Variants in ZNF793 observed in about 807,000 individuals in gnomAD.
ZNF793 encodes zinc finger protein 793.
Under a neutral mutation model 12.4 loss-of-function variants are expected in ZNF793, and 5 were observed. The ratio of observed to expected loss-of-function variants is 0.40; its 90% CI spans 0.21 to 0.84. The LOEUF is 0.84. ZNF793 is among the 40% of genes least tolerant of loss of function. The pLI, the probability that ZNF793 is intolerant of heterozygous loss-of-function variation, is 0.35. For missense variants in ZNF793, 456 were observed against 495.0 expected, an observed-to-expected ratio of 0.92 and a Z score of 0.75; for synonymous variants, 162 against 172.4, an observed-to-expected ratio of 0.94 and a Z score of 0.47.
At chr19:37,514,341 T>C (rs180810922) in intron 2 of ZNF793, among the ~76,000 whole-genome samples, 10 of 152,258 alleles carry the variant, frequency 6.6e-5, no homozygotes, top group African/African-American at 2.4e-4. Flanking sequence ...AGTAACACAC[T>C]ATTCTTTAGT....
chr19:37,522,693 T>C (rs928468866), intron 4 of ZNF793, 46 bp downstream of exon 4: 1 of 152,136 alleles, frequency 6.6e-6, no homozygotes, highest in Non-Finnish European at 1.5e-5. Context: ...TTGTCTGATG[T>C]CTCCTCATTG....
At chr19:37,530,995 C>T (rs934948405) in intron 5 of ZNF793, among the ~76,000 whole-genome samples, 8 of 152,100 alleles carry the variant, frequency 5.3e-5, no homozygotes, top group Middle Eastern at 3.2e-3. Flanking sequence ...TTAGTGGTTA[C>T]TTCAGGGATA....
At chr19:37,513,540 A>G (rs1039176731) in intron 2 of ZNF793, among the ~76,000 whole-genome samples, 6 of 152,222 alleles carry the variant, frequency 3.9e-5, no homozygotes, top group Non-Finnish European at 8.8e-5. Context: ...CTAGTTACAG[A>G]GAAACAGTTG....
rs1055965122 is a variant in ZNF793 at position 37,533,368 on chromosome 19, T to A, written c.203T>A (p.Ile68Asn). The part of the protein sequence containing the change: ...LRLEQEEAPW[I>N]GEAACPGCHC... ...CTGGAGCAGGAAGAAGCACCATGGA[T>A]TGGTGAGGCAGCATGCCCGGGCTGC... Residue 68 changes from isoleucine to asparagine, a missense_variant, in exon 7 of 8, where the codon ATT becomes AAT. Transcript: ENST00000627814. The A allele has an allele frequency of 1.2e-6, 2 of 1,613,950 alleles. No individual in the cohort carries two copies. Among genetic ancestry groups the A allele is most frequent in the African/African-American group, 2.7e-5 (2 of 75,032 alleles).
At chr19:37,533,428 G>C in intron 7 of ZNF793, 25 bp downstream of exon 7, 1 of 1,604,296 alleles carries the variant, frequency 6.2e-7, no homozygotes, top group Non-Finnish European at 8.5e-7. Flanking sequence ...TCTAGCAAAA[G>C]GGGTACTGAA....
chr19:37,532,220 G>A, intron 5 of ZNF793, 136 bp from the exon 6 acceptor site: 2 of 908,864 alleles, frequency 2.2e-6, no homozygotes, highest in Non-Finnish European at 1.7e-6. Flanking sequence ...CACCATGTTT[G>A]CCAGGCTGAT....
Position 37,532,378 on chromosome 19 carries a change from T to C in ZNF793, c.38T>C (p.Val13Ala). ...CAGATACCTGTGTCATTCAAAGATG[T>C]GGTTGTGGGCTTCACCCAAGAGGAG... ...EYQIPVSFKD[V>A]VVGFTQEEWH... is the part of the protein sequence containing the mutation. The change falls in exon 6 of 8, where the codon GTG becomes GCG. Residue 13 changes from valine (V) to alanine (A), a missense_variant. By Grantham distance (64) the Val-to-Ala change is moderately conservative (BLOSUM62 0). Transcript: ENST00000627814. The C allele has an allele frequency of 6.2e-7, 1 of 1,614,094 alleles. No homozygotes were observed. Among genetic ancestry groups the C allele is most frequent in the Non-Finnish European group, 8.5e-7 (1 of 1,179,982 alleles).
chr19:37,525,624 A>G (rs1030478757), intron 5 of ZNF793, among the ~76,000 whole-genome samples: 2 of 135,438 alleles, frequency 1.5e-5, no homozygotes, highest in Non-Finnish European at 3.1e-5. Flanking sequence ...TTTAGTAGAG[A>G]CAGGGTTTCG....
At chr19:37,524,203 G>T (rs1247665370) in intron 5 of ZNF793, among the ~76,000 whole-genome samples, 1 of 148,344 alleles carries the variant, frequency 6.7e-6, no homozygotes, top group African/African-American at 2.5e-5. Flanking sequence ...ATAATAAAGG[G>T]TTTTAAGCCT....
intron 5 of ZNF793, among the ~76,000 whole-genome samples, chr19:37,530,515 TG>T (rs767093491): frequency 6.6e-6 from 1 of 151,926 alleles, no homozygotes; most frequent in African/African-American, 2.4e-5. Flanking sequence ...GATTAGGGAG[TG>T]GTGATGACTC....
Position 37,537,966 on chromosome 19 carries a change from C to T in ZNF793, c.*87C>T, listed in dbSNP as rs2042522312. The T allele has an allele frequency of 3.6e-6, 5 of 1,401,120 alleles. No homozygotes were observed. The highest frequency in any genetic ancestry group is 2.2e-4 in the Middle Eastern group (1 of 4,528). The allele number at this position is 1,401,120 out of a possible 1,614,324, so 86.8% of individuals were successfully genotyped here. A position where few individuals can be genotyped will look rare whatever the true frequency, so the allele number is the denominator to read the frequency against. ...TCACTTTGTCACCCAGGCTGGAGTG[C>T]AGTGGCGCGATCTCGGCTTACTGCA... On this transcript the variant is annotated 3_prime_UTR_variant, in exon 8 of 8. Coordinates refer to ENST00000627814, the MANE Select transcript of ZNF793 (RefSeq NM_001013659.3).
intron 2 of ZNF793, among the ~76,000 whole-genome samples, chr19:37,512,324 G>A (rs1338674300): frequency 6.6e-6 from 1 of 151,964 alleles, no homozygotes; most frequent in Non-Finnish European, 1.5e-5. Flanking sequence ...AGACCATCCT[G>A]GCCAACATGA....
At chr19:37,507,226 C>T (rs1473864738) in intron 1 of ZNF793, 2 of 152,844 alleles carry the variant, frequency 1.3e-5, no homozygotes, top group Non-Finnish European at 2.9e-5. Flanking sequence ...GTGGCACGGT[C>T]TCTGAAGAAG....
At chr19:37,511,560 G>A (rs529864216) in intron 2 of ZNF793, among the ~76,000 whole-genome samples, 6 of 152,102 alleles carry the variant, frequency 3.9e-5, no homozygotes, top group Non-Finnish European at 7.3e-5. Flanking sequence ...AATCCCAGCT[G>A]CTCAGGAGGC....
rs778590937 is a variant in ZNF793, at chr19:37,537,674, A to G, written c.1016A>G (p.Tyr339Cys). ...HRKMHTGERP[Y>C]RCRECGKSFS... ...AAAATGCACACAGGAGAAAGACCGT[A>G]TCGTTGCAGAGAATGTGGAAAATCC... Residue 339 changes from tyrosine to cysteine, a missense_variant, in exon 8 of 8, where the codon TAT becomes TGT. Transcript: ENST00000627814. The G allele has an allele frequency of 6.2e-7, 1 of 1,613,686 alleles. No homozygotes were observed. The highest frequency in any genetic ancestry group is 8.5e-7 in the Non-Finnish European group (1 of 1,179,662).
intron 5 of ZNF793, among the ~76,000 whole-genome samples, chr19:37,524,152 AAATAATAATAAT>A (rs200203820): frequency 0.014 from 1,906 of 138,888 alleles, 22 homozygotes; most frequent in African/African-American, 0.027. Flanking sequence ...CTCCATCTCA[AAATAATAATAAT>A]AATAATAATA....
intron 3 of ZNF793, among the ~76,000 whole-genome samples, chr19:37,522,127 T>C (rs1273481178): frequency 6.6e-6 from 1 of 152,198 alleles, no homozygotes; most frequent in Non-Finnish European, 1.5e-5. Flanking sequence ...ATGTAGACCA[T>C]AGACTAGATT....
In ZNF793 at chr19:37,528,210, A is replaced by G. The variant is rs73930998; in HGVS notation, c.16-4146A>G. 6.0e-3 allele frequency among the ~76,000 whole-genome samples: 918 copies of G among 152,296 alleles called. 8 individuals carry two copies. Among genetic ancestry groups the G allele is most frequent in the African/African-American group, 0.021 (858 of 41,556 alleles). On this transcript the variant is annotated intron_variant, in intron 5 of 7. Coordinates refer to ENST00000627814, the MANE Select transcript of ZNF793 (RefSeq NM_001013659.3). ...CAGAGTTTAGGAGAGTTCCACACAT[A>G]GAACTTCTGTCCTCTCCTATGGAAG... is the stretch of plus-strand genomic sequence containing the variant.
chr19:37,514,647 T>C (rs1171843609), intron 2 of ZNF793, among the ~76,000 whole-genome samples: 1 of 151,894 alleles, frequency 6.6e-6, no homozygotes, highest in African/African-American at 2.4e-5. Flanking sequence ...GAATACACCA[T>C]TACCCAACCC....
Sources: allele counts gnomAD v4.1 joint callset (sites outside exome capture counted in the v4.1 genomes callset), GRCh38; gene constraint gnomAD v4.1.1; transcripts MANE v1.5; gene names NCBI Gene and HGNC (gene_info 2026-07-23, HGNC 2026-07-21).